SLC39A12: variants seen among roughly 807,000 people sequenced by gnomAD.
The protein encoded by SLC39A12 is zinc transporter ZIP12.
SLC39A12 carries 63 observed loss-of-function variants against 71.1 expected under a neutral mutation model. The ratio of observed to expected loss-of-function variants is 0.89; its 90% CI spans 0.72 to 1.09. The LOEUF (loss-of-function observed/expected upper bound fraction) is 1.09. Among genes scored for constraint, SLC39A12 ranks in the 50% least tolerant of loss-of-function variants. The pLI is 0.00. For synonymous variants in SLC39A12, 351 were observed against 301.3 expected, an observed-to-expected ratio of 1.16 and a Z score of -1.71; for missense variants, 892 against 812.6, an observed-to-expected ratio of 1.10 and a Z score of -1.19.
intron 10 of SLC39A12, among the ~76,000 whole-genome samples, chr10:17,999,531 T>C (rs892575602): frequency 3.9e-5 from 6 of 152,176 alleles, no homozygotes; most frequent in South Asian, 2.1e-4. Flanking sequence ...AACTCTACAA[T>C]TGAGTTATGC....
At chr10:17,967,672 A>G (rs908877834) in intron 4 of SLC39A12, among the ~76,000 whole-genome samples, 2 of 151,922 alleles carry the variant, frequency 1.3e-5, no homozygotes, top group Admixed American at 6.6e-5. Context: ...TCATGAGGTC[A>G]GGAGATCAAG....
At chr10:18,009,107 T>C (rs1226396045) in intron 12 of SLC39A12, among the ~76,000 whole-genome samples, 1 of 152,206 alleles carries the variant, frequency 6.6e-6, no homozygotes, top group Admixed American at 6.5e-5. Context: ...AGGGTTTATT[T>C]TGGATCTGAA....
chr10:18,008,576 T>C (rs548531405), intron 12 of SLC39A12: 12 of 152,298 alleles, frequency 7.9e-5, no homozygotes, highest in Non-Finnish European at 1.3e-4. Context: ...ACGGAAAAAT[T>C]GTCTTCCATG....
intron 5 of SLC39A12, among the ~76,000 whole-genome samples, chr10:17,979,913 A>G (rs939886638): frequency 1.3e-5 from 2 of 152,182 alleles, no homozygotes; most frequent in African/African-American, 4.8e-5. Flanking sequence ...AAGTCACTTT[A>G]GAGTTGGGGC....
chr10:17,996,733 C>T (rs1235511918), intron 10 of SLC39A12, among the ~76,000 whole-genome samples: 1 of 152,078 alleles, frequency 6.6e-6, no homozygotes, highest in South Asian at 2.1e-4. Context: ...CGCGGTGGCT[C>T]ACGCCTGTAA....
At chr10:18,033,559 TGCTAGC>T in intron 12 of SLC39A12, among the ~76,000 whole-genome samples, 1 of 143,444 alleles carries the variant, frequency 7.0e-6, no homozygotes. Context: ...TTATTAGTCT[TGCTAGC>T]GGTCTATCAA....
intron 10 of SLC39A12, among the ~76,000 whole-genome samples, chr10:17,996,770 G>GTC (rs1341486835): frequency 1.3e-5 from 2 of 152,058 alleles, no homozygotes; most frequent in Non-Finnish European, 2.9e-5. Flanking sequence ...GGCCGAGGCG[G>GTC]GCAGATCACG....
intron 2 of SLC39A12, among the ~76,000 whole-genome samples, chr10:17,960,255 T>A (rs1554848213): frequency 6.6e-6 from 1 of 152,206 alleles, no homozygotes. Context: ...CCATCTCCAG[T>A]GATAAGAATG....
intron 10 of SLC39A12, among the ~76,000 whole-genome samples, chr10:17,996,626 G>T (rs1835689157): frequency 6.6e-6 from 1 of 152,164 alleles, no homozygotes; most frequent in Non-Finnish European, 1.5e-5. Flanking sequence ...TACAAATGAA[G>T]AAAATAGTTG....
At chr10:18,040,889 C>T (rs2488132) in intron 12 of SLC39A12, among the ~76,000 whole-genome samples, 74,522 of 151,592 alleles carry the variant, frequency 0.49, 19,089 homozygotes, top group Non-Finnish European at 0.57. Context: ...TTTTTATCCC[C>T]CAGAGAAAAT....
At chr10:18,021,654 A>G (rs974915102) in intron 12 of SLC39A12, among the ~76,000 whole-genome samples, 1 of 152,094 alleles carries the variant, frequency 6.6e-6, no homozygotes, top group Non-Finnish European at 1.5e-5. Flanking sequence ...GGATTTGATC[A>G]TGTCATCATG....
At position 17,995,715 on chromosome 10, in the gene SLC39A12, C is replaced by T. The variant is rs1564650626; in HGVS notation, c.1593C>T (p.Asn531=). The change falls in exon 10 of 13, where the codon AAC becomes AAT. Residue 531 remains asparagine (N), a synonymous_variant. Transcript: ENST00000377369. The stretch of plus-strand genomic sequence containing the variant: ...CTATAGGCAGTATGACAGCCTCCAA[C>T]AGAAAATGTGAGTACCAAGCTAAAC... ...EMPIGSMTAS[N]RKCKAISLLA... is the part of the protein sequence containing the mutation. 2 of 1,612,678 alleles carry T rather than the reference C, an allele frequency of 1.2e-6. No individual in the cohort carries two copies. The highest frequency in any genetic ancestry group is 1.7e-6 in the Non-Finnish European group (2 of 1,179,430).
intron 5 of SLC39A12, among the ~76,000 whole-genome samples, chr10:17,978,410 A>G (rs1334417507): frequency 6.6e-6 from 1 of 152,220 alleles, no homozygotes; most frequent in Non-Finnish European, 1.5e-5. Flanking sequence ...TTGAACAAAA[A>G]TAGGCACATA....
At chr10:18,040,267 A>G (rs533411319) in intron 12 of SLC39A12, among the ~76,000 whole-genome samples, 1 of 152,282 alleles carries the variant, frequency 6.6e-6, no homozygotes, top group South Asian at 2.1e-4. Flanking sequence ...ACCTGGCATA[A>G]AGACACCAAA....
intron 12 of SLC39A12, among the ~76,000 whole-genome samples, chr10:18,029,696 C>T (rs1265627908): frequency 1.3e-5 from 2 of 152,052 alleles, no homozygotes; most frequent in Non-Finnish European, 1.5e-5. Context: ...CGTAAAATTG[C>T]TCAATAACAG....
rs147424634 is a variant in SLC39A12 at position 18,043,260 on chromosome 10, G to A, written c.*427G>A. 54 of 153,206 alleles carry A rather than the reference G, an allele frequency of 3.5e-4. No individual in the cohort carries two copies. The East Asian group carries it at 8.8e-3, about 25-fold the overall frequency. 9.5% of individuals were successfully genotyped at this position (153,206 alleles called of 1,614,324 possible). On this transcript the variant is annotated 3_prime_UTR_variant, in exon 13 of 13. Coordinates refer to ENST00000377369, the MANE Select transcript of SLC39A12 (RefSeq NM_001145195.2). ...AAACTATAAGCAAGTTAAGTGACAA[G>A]CAAATGTAATAAAGACTAGTTTTAA... is the stretch of plus-strand genomic sequence containing the variant.
chr10:18,016,516 G>T (rs542114073), intron 12 of SLC39A12, among the ~76,000 whole-genome samples: 2 of 152,290 alleles, frequency 1.3e-5, no homozygotes, highest in South Asian at 2.1e-4. Context: ...CACTTGAGCA[G>T]GTTTTTGTGT....
At chr10:17,993,011 G>A (rs1835593901) in intron 8 of SLC39A12, among the ~76,000 whole-genome samples, 170 bp from the exon 9 acceptor site, 1 of 152,190 alleles carries the variant, frequency 6.6e-6, no homozygotes, top group African/African-American at 2.4e-5. Context: ...GCCTTCTTCA[G>A]TCATCACTAG....
rs1192346555 is a variant in SLC39A12, at chr10:17,991,280, CT to C, written c.1401del (p.Val469TyrfsTer28). 8 of 1,590,076 alleles carry C rather than the reference CT, an allele frequency of 5.0e-6. No individual in the cohort carries two copies. Among genetic ancestry groups the C allele is most frequent in the Non-Finnish European group, 6.8e-6 (8 of 1,172,802 alleles). ...GFFLIEKCFI[L>X]LVSPNDKQGL... is the part of the protein sequence containing the mutation. ...TTTCTTGATAGAAAAATGTTTTATTCTTCTTGTATCACCAAATGACAAGGTA... is the reference window on the plus strand; with the variant it reads ...TTTCTTGATAGAAAAATGTTTTATTCTCTTGTATCACCAAATGACAAGGTA... On this transcript the variant is annotated frameshift_variant, in exon 8 of 13. Coordinates refer to ENST00000377369, the MANE Select transcript of SLC39A12 (RefSeq NM_001145195.2). LOFTEE classifies it high-confidence loss of function.
Sources: gnomAD v4.1 joint callset for allele counts (sites outside exome capture counted in the v4.1 genomes callset) on GRCh38, gnomAD v4.1.1 for gene constraint, MANE v1.5 for transcripts, NCBI Gene and HGNC (gene_info 2026-07-23, HGNC 2026-07-21) for gene names.